SLC35F3: variants seen among roughly 807,000 people sequenced by gnomAD.
SLC35F3 encodes the protein putative thiamine transporter SLC35F3.
Under a neutral mutation model 49.9 loss-of-function variants are expected in SLC35F3, and 25 were observed. The ratio of observed to expected loss-of-function variants is 0.50; its 90% CI spans 0.37 to 0.70. The LOEUF is 0.70. Ranked by LOEUF, SLC35F3 falls within the 30% of genes least tolerant of loss-of-function variation. The pLI is 0.00. For synonymous variants in SLC35F3, 275 were observed against 265.4 expected, an observed-to-expected ratio of 1.04 and a Z score of -0.35; for missense variants, 525 against 639.8, an observed-to-expected ratio of 0.82 and a Z score of 1.94.
At chr1:234,073,511 G>A (rs1664750407) in intron 2 of SLC35F3, among the ~76,000 whole-genome samples, 1 of 152,118 alleles carries the variant, frequency 6.6e-6, no homozygotes, top group Non-Finnish European at 1.5e-5. Context: ...AAACACAAAA[G>A]TCATCATGGA....
chr1:234,034,101 T>G (rs368284046), intron 2 of SLC35F3, among the ~76,000 whole-genome samples: 16 of 152,328 alleles, frequency 1.1e-4, no homozygotes, highest in African/African-American at 3.6e-4. Context: ...CTAAGTATTT[T>G]ATGTTTTTTG....
rs770187702 is a variant in SLC35F3 at position 233,905,105 on chromosome 1, G to A, written c.28G>A (p.Ala10Thr). The part of the protein sequence containing the change: MGIREFPSG[A>T]PRGKSIAVGM... Reference sequence around the variant, plus strand: ...GGGGATTCGAGAGTTTCCCAGCGGCGCACCCAGGGGCAAGAGCATTGCCGT... The same window carrying A: ...GGGGATTCGAGAGTTTCCCAGCGGCACACCCAGGGGCAAGAGCATTGCCGT... Residue 10 changes from alanine to threonine, a missense_variant, in exon 1 of 8, where the codon GCA becomes ACA. Transcript: ENST00000366618. 6 of 1,562,076 alleles carry A rather than the reference G, an allele frequency of 3.8e-6. No homozygotes were observed. The Admixed American group carries it at 7.7e-5, about 20-fold the overall frequency.
chr1:234,103,074 A>G (rs1665236035), intron 2 of SLC35F3, among the ~76,000 whole-genome samples: 1 of 152,380 alleles, frequency 6.6e-6, no homozygotes, highest in South Asian at 2.1e-4. Context: ...GATTCACTCT[A>G]AAGAGATGAA....
chr1:234,124,082 G>A (rs1665613495), intron 2 of SLC35F3, among the ~76,000 whole-genome samples: 1 of 152,186 alleles, frequency 6.6e-6, no homozygotes, highest in South Asian at 2.1e-4. Flanking sequence ...TGATATCGTA[G>A]AGGACATGGA....
At chr1:234,132,977 G>C (rs1360077909) in intron 2 of SLC35F3, among the ~76,000 whole-genome samples, 1 of 152,176 alleles carries the variant, frequency 6.6e-6, no homozygotes, top group Non-Finnish European at 1.5e-5. Context: ...CCTTGATGAG[G>C]TAAGCAACTA....
At chr1:234,264,315 A>G (rs1166959154) in intron 3 of SLC35F3, among the ~76,000 whole-genome samples, 1 of 152,204 alleles carries the variant, frequency 6.6e-6, no homozygotes, top group Non-Finnish European at 1.5e-5. Context: ...CTGCTGGATC[A>G]TGTTCATCGC....
At chr1:234,066,886 A>C (rs1319111695) in intron 2 of SLC35F3, among the ~76,000 whole-genome samples, 4 of 148,992 alleles carry the variant, frequency 2.7e-5, no homozygotes, top group Admixed American at 2.0e-4. Context: ...AATTATATTA[A>C]AATCTCTGTT....
chr1:234,068,878 C>T (rs9435554), intron 2 of SLC35F3, among the ~76,000 whole-genome samples: 65,514 of 96,438 alleles, frequency 0.68, 22,899 homozygotes, highest in African/African-American at 0.76. Flanking sequence ...ATATATTTTA[C>T]ATATTTTTTA....
chr1:234,201,870 G>C (rs1270246017), intron 2 of SLC35F3, among the ~76,000 whole-genome samples: 1 of 143,486 alleles, frequency 7.0e-6, no homozygotes, highest in Non-Finnish European at 1.5e-5. Flanking sequence ...CCGAGACTGC[G>C]CCACTGCACT....
At position 234,287,641 on chromosome 1, in the gene SLC35F3, T is replaced by C. The variant is rs375666944; in HGVS notation, c.609-21460T>C. Among the ~76,000 whole-genome samples, 4 of 152,214 alleles carry C rather than the reference T, an allele frequency of 2.6e-5. No individual in the cohort carries two copies. The East Asian group carries it at 5.8e-4, about 22-fold the overall frequency. The stretch of plus-strand genomic sequence containing the variant: ...TATCCCATGTTATAAATGATGAAGG[T>C]GAGACACAGAGAGGTTAAGGAAGCC... On this transcript the variant is annotated intron_variant, in intron 3 of 7. Coordinates refer to ENST00000366618, the MANE Select transcript of SLC35F3 (RefSeq NM_173508.4).
At chr1:233,933,897 G>A (rs1662284993) in intron 2 of SLC35F3, among the ~76,000 whole-genome samples, 1 of 152,166 alleles carries the variant, frequency 6.6e-6, no homozygotes, top group Non-Finnish European at 1.5e-5. Flanking sequence ...AAAGGAGAGT[G>A]TCCCAGGAAG....
At chr1:234,291,970 C>T (rs1294313926) in intron 3 of SLC35F3, among the ~76,000 whole-genome samples, 2 of 152,182 alleles carry the variant, frequency 1.3e-5, no homozygotes, top group African/African-American at 4.8e-5. Flanking sequence ...GTGGCAGCGG[C>T]AGATCCCTGA....
intron 2 of SLC35F3, among the ~76,000 whole-genome samples, chr1:234,018,467 T>C (rs758504900): frequency 2.2e-4 from 34 of 152,148 alleles, no homozygotes; most frequent in Admixed American, 3.9e-4. Context: ...TTCTATATGT[T>C]CTCCTGCTTC....
At chr1:233,910,932 C>T (rs905318012) in intron 2 of SLC35F3, among the ~76,000 whole-genome samples, 1 of 152,094 alleles carries the variant, frequency 6.6e-6, no homozygotes, top group Non-Finnish European at 1.5e-5. Flanking sequence ...CACTCCAGCC[C>T]GCTATTGGCA....
At chr1:234,166,438 A>G (rs1666322340) in intron 2 of SLC35F3, among the ~76,000 whole-genome samples, 1 of 152,214 alleles carries the variant, frequency 6.6e-6, no homozygotes, top group Non-Finnish European at 1.5e-5. Flanking sequence ...CAAAAGCTTA[A>G]TTTTAATAAT....
chr1:234,172,938 T>C (rs1666420421), intron 2 of SLC35F3, among the ~76,000 whole-genome samples: 1 of 152,218 alleles, frequency 6.6e-6, no homozygotes, highest in East Asian at 1.9e-4. Context: ...AGGCCCCATG[T>C]GTCCCTCTTC....
chr1:234,065,068 T>G (rs990690922), intron 2 of SLC35F3, among the ~76,000 whole-genome samples: 1 of 152,152 alleles, frequency 6.6e-6, no homozygotes, highest in African/African-American at 2.4e-5. Flanking sequence ...TCTGGGAAGT[T>G]TTTACTGTAT....
At chr1:233,962,853 G>A (rs971194797) in intron 2 of SLC35F3, among the ~76,000 whole-genome samples, 20 of 152,204 alleles carry the variant, frequency 1.3e-4, no homozygotes, top group African/African-American at 4.3e-4. Flanking sequence ...ACTGTAATGG[G>A]AATATTGCAT....
intron 2 of SLC35F3, among the ~76,000 whole-genome samples, chr1:234,170,939 A>G (rs368535743): frequency 3.5e-4 from 53 of 152,328 alleles, no homozygotes; most frequent in Admixed American, 2.0e-3. Flanking sequence ...CAATTAAGAA[A>G]TTTAATTTGC....
Sources: allele counts gnomAD v4.1 joint callset (sites outside exome capture counted in the v4.1 genomes callset), GRCh38; gene constraint gnomAD v4.1.1; transcripts MANE v1.5; gene names NCBI Gene and HGNC (gene_info 2026-07-23, HGNC 2026-07-21).